Variants in EYA4 observed in about 807,000 individuals in gnomAD.
EYA4 encodes the protein EYA transcriptional coactivator and phosphatase 4.
In EYA4, 31 loss-of-function variants were observed where a neutral mutation model predicts 87.9. The observed-to-expected ratio is 0.35, with a 90% confidence interval of 0.27 to 0.48. The LOEUF (loss-of-function observed/expected upper bound fraction) is 0.48. Ranked by LOEUF, EYA4 falls within the 20% of genes least tolerant of loss-of-function variation. EYA4 has a pLI of 0.99. For synonymous variants in EYA4, 263 were observed against 270.6 expected (o/e 0.97, Z 0.28); for missense variants, 678 against 761.4 (o/e 0.89, Z 1.29).
At position 133,285,110 on chromosome 6, in the gene EYA4, C is replaced by T. The variant is rs1391447967; in HGVS notation, c.33+10297C>T. On this transcript the variant is annotated intron_variant, in intron 2 of 19. Coordinates refer to ENST00000355286, the MANE Select transcript of EYA4 (RefSeq NM_004100.5). ...CTCCCGGGTTCACGCCATTCTCCTGCCTCAGCCTCCCGAGTAGCTGGGACT... is the reference window on the plus strand; with the variant it reads ...CTCCCGGGTTCACGCCATTCTCCTGTCTCAGCCTCCCGAGTAGCTGGGACT... 3.3e-5 allele frequency among the ~76,000 whole-genome samples: 5 copies of T among 150,650 alleles called. No individual in the cohort carries two copies. The South Asian group carries it at 6.2e-4, about 19-fold the overall frequency.
chr6:133,429,689 T>G (rs893537016), intron 3 of EYA4, among the ~76,000 whole-genome samples: 1 of 152,212 alleles, frequency 6.6e-6, no homozygotes, highest in Non-Finnish European at 1.5e-5. Context: ...TCAAAGTTAG[T>G]CAGTGATTTC....
intron 16 of EYA4, among the ~76,000 whole-genome samples, chr6:133,514,562 A>T (rs1244638004): frequency 6.6e-6 from 1 of 152,202 alleles, no homozygotes; most frequent in African/African-American, 2.4e-5. Flanking sequence ...AAAAAACCAT[A>T]CAAGTGTGTA....
At chr6:133,257,654 A>G (rs961911697) in intron 1 of EYA4, among the ~76,000 whole-genome samples, 1 of 152,192 alleles carries the variant, frequency 6.6e-6, no homozygotes, top group Non-Finnish European at 1.5e-5. Context: ...TTCAAGCAAT[A>G]TACTCCTTTT....
intron 3 of EYA4, among the ~76,000 whole-genome samples, chr6:133,410,951 C>A (rs3777837): frequency 0.053 from 8,099 of 151,850 alleles, 655 homozygotes; most frequent in African/African-American, 0.17. Flanking sequence ...AGCCCCTCTG[C>A]TGTTCCTCCC....
At chr6:133,341,507 A>G (rs1199810980) in intron 2 of EYA4, among the ~76,000 whole-genome samples, 1 of 152,232 alleles carries the variant, frequency 6.6e-6, no homozygotes, top group Non-Finnish European at 1.5e-5. Flanking sequence ...GAAATCCACT[A>G]TAACATTAAA....
intron 3 of EYA4, among the ~76,000 whole-genome samples, chr6:133,433,199 A>G (rs1791342452): frequency 6.6e-6 from 1 of 152,216 alleles, no homozygotes; most frequent in African/African-American, 2.4e-5. Context: ...GATTAAATTT[A>G]AATAATTAGG....
At chr6:133,455,902 ACCACGTAGAAAT>A (rs1793861012) in intron 5 of EYA4, among the ~76,000 whole-genome samples, 1 of 152,182 alleles carries the variant, frequency 6.6e-6, no homozygotes, top group Non-Finnish European at 1.5e-5. Context: ...ATACACCATT[ACCACGTAGAAAT>A]AACATATTAA....
upstream of EYA4, among the ~76,000 whole-genome samples, chr6:133,240,988 C>T (rs1425853853): frequency 7.1e-6 from 1 of 140,900 alleles, no homozygotes; most frequent in Non-Finnish European, 1.6e-5. Flanking sequence ...AGCGCGGTCG[C>T]GGGTCCCTCC....
chr6:133,423,468 T>C (rs2128566145), intron 3 of EYA4, among the ~76,000 whole-genome samples: 1 of 152,320 alleles, frequency 6.6e-6, no homozygotes, highest in South Asian at 2.1e-4. Context: ...TTTATTTGAT[T>C]TTGTAATGTT....
chr6:133,298,781 C>T (rs1025080803), intron 2 of EYA4, among the ~76,000 whole-genome samples: 2 of 152,242 alleles, frequency 1.3e-5, no homozygotes, highest in East Asian at 1.9e-4. Flanking sequence ...GAGGTCGGAC[C>T]GTGTGAAACT....
chr6:133,466,504 T>G (rs1794855508), intron 10 of EYA4, among the ~76,000 whole-genome samples: 1 of 152,116 alleles, frequency 6.6e-6, no homozygotes, highest in African/African-American at 2.4e-5. Context: ...TCCTGCCTCA[T>G]AGAGCTTACA....
chr6:133,478,823 C>T (rs78111930), intron 11 of EYA4, among the ~76,000 whole-genome samples: 10,269 of 152,126 alleles, frequency 0.068, 1,135 homozygotes, highest in African/African-American at 0.23. Flanking sequence ...CTCTTTTCAC[C>T]CCTTTGCTGT....
intron 2 of EYA4, among the ~76,000 whole-genome samples, chr6:133,346,519 T>C (rs868863444): frequency 3.3e-5 from 5 of 152,360 alleles, no homozygotes; most frequent in South Asian, 4.1e-4. Context: ...AACCTTGGGA[T>C]CTCAAAATTA....
chr6:133,296,901 G>C (rs1778988014), intron 2 of EYA4, among the ~76,000 whole-genome samples: 1 of 152,030 alleles, frequency 6.6e-6, no homozygotes, highest in Non-Finnish European at 1.5e-5. Context: ...TGTTGTCATT[G>C]AATCTATCAA....
At chr6:133,249,266 CT>C (rs1774688813) in intron 1 of EYA4, among the ~76,000 whole-genome samples, 1 of 152,100 alleles carries the variant, frequency 6.6e-6, no homozygotes, top group African/African-American at 2.4e-5. Context: ...TTCAAATTAG[CT>C]TTAGGTGGAC....
intron 2 of EYA4, among the ~76,000 whole-genome samples, chr6:133,332,076 C>T (rs917944559): frequency 6.6e-6 from 1 of 152,178 alleles, no homozygotes; most frequent in Non-Finnish European, 1.5e-5. Flanking sequence ...CCCGGAAGTA[C>T]TAGCTCTCTG....
intron 2 of EYA4, among the ~76,000 whole-genome samples, chr6:133,319,219 G>A (rs986519017): frequency 1.3e-5 from 2 of 152,198 alleles, no homozygotes; most frequent in Admixed American, 1.3e-4. Context: ...AAGCTTTGAG[G>A]ATATTCACAT....
At chr6:133,467,292 C>T (rs1203019692) in intron 10 of EYA4, among the ~76,000 whole-genome samples, 1 of 152,090 alleles carries the variant, frequency 6.6e-6, no homozygotes, top group Non-Finnish European at 1.5e-5. Context: ...AACTTACTAG[C>T]TGTGTGACTT....
intron 3 of EYA4, among the ~76,000 whole-genome samples, chr6:133,424,509 ACCC>A (rs79163156): frequency 1.4e-5 from 2 of 143,894 alleles, no homozygotes; most frequent in South Asian, 2.2e-4. Context: ...GGGAGCAAAC[ACCC>A]CCCCCCCAGC....
Sources: gnomAD v4.1 joint callset for allele counts (sites outside exome capture counted in the v4.1 genomes callset) on GRCh38, gnomAD v4.1.1 for gene constraint, MANE v1.5 for transcripts, NCBI Gene and HGNC (gene_info 2026-07-23, HGNC 2026-07-21) for gene names.